CACNB4: variants seen among roughly 807,000 people sequenced by gnomAD.
CACNB4 encodes voltage-dependent L-type calcium channel subunit beta-4.
In CACNB4, 32 loss-of-function variants were observed where a neutral mutation model predicts 71.2. That is an observed-to-expected ratio of 0.45 (90% CI 0.34 to 0.60). CACNB4 has a LOEUF of 0.60. Among genes scored for constraint, CACNB4 ranks in the 20% least tolerant of loss-of-function variants. CACNB4 has a pLI of 0.01. For synonymous variants in CACNB4, 231 were observed against 236.9 expected, an observed-to-expected ratio of 0.97 and a Z score of 0.23; for missense variants, 464 against 647.9, an observed-to-expected ratio of 0.72 and a Z score of 3.08.
chr2:152,015,906 A>G (rs531828215), intron 2 of CACNB4, among the ~76,000 whole-genome samples: 1 of 152,352 alleles, frequency 6.6e-6, no homozygotes, highest in East Asian at 1.9e-4. Context: ...TGTCTTCAGG[A>G]TTACGAGATC....
intron 2 of CACNB4, among the ~76,000 whole-genome samples, chr2:151,926,242 G>A (rs1349627676): frequency 6.6e-6 from 1 of 152,160 alleles, no homozygotes; most frequent in Non-Finnish European, 1.5e-5. Flanking sequence ...TGCCAAAAAA[G>A]CCAGAGGAAA....
intron 2 of CACNB4, among the ~76,000 whole-genome samples, chr2:151,895,645 A>AT (rs972439718): frequency 6.6e-6 from 1 of 152,078 alleles, no homozygotes; most frequent in Non-Finnish European, 1.5e-5. Flanking sequence ...ACCTATATAT[A>AT]TTTGTACATA....
At chr2:151,882,319 G>A (rs1056593038) in intron 3 of CACNB4, among the ~76,000 whole-genome samples, 3 of 149,956 alleles carry the variant, frequency 2.0e-5, no homozygotes, top group Non-Finnish European at 4.4e-5. Context: ...TTCCCAAGTA[G>A]CTGGAATTAC....
intron 2 of CACNB4, among the ~76,000 whole-genome samples, chr2:151,933,809 A>AT (rs150768775): frequency 0.019 from 2,848 of 152,330 alleles, 32 homozygotes; most frequent in Middle Eastern, 0.031. Flanking sequence ...TATTGAAGCA[A>AT]TTTTTTAAAT....
intron 2 of CACNB4, among the ~76,000 whole-genome samples, chr2:151,902,497 A>G (rs556679685): frequency 1.3e-3 from 195 of 152,186 alleles, no homozygotes; most frequent in Non-Finnish European, 2.4e-3. Flanking sequence ...AACTAAATGA[A>G]AAAGGGCTCT....
At chr2:151,916,484 G>GA (rs5835387) in intron 2 of CACNB4, among the ~76,000 whole-genome samples, 1 of 151,964 alleles carries the variant, frequency 6.6e-6, no homozygotes, top group Non-Finnish European at 1.5e-5. Context: ...TTCCATTTAT[G>GA]AAAAAAAAAG....
intron 2 of CACNB4, among the ~76,000 whole-genome samples, chr2:152,048,958 G>C (rs949188876): frequency 6.6e-5 from 10 of 152,190 alleles, no homozygotes; most frequent in Non-Finnish European, 1.2e-4. Flanking sequence ...GTGCACAAGA[G>C]AGGGCATGAG....
At chr2:152,023,433 G>A (rs1485995835) in intron 2 of CACNB4, among the ~76,000 whole-genome samples, 1 of 10,222 alleles carries the variant, frequency 9.8e-5, no homozygotes, top group African/African-American at 2.1e-4. Flanking sequence ...AAAAGTGAGA[G>A]GTGCTTTTTT....
At chr2:151,878,310 C>T (rs1578597203) in intron 4 of CACNB4, among the ~76,000 whole-genome samples, 1 of 151,968 alleles carries the variant, frequency 6.6e-6, no homozygotes, top group African/African-American at 2.4e-5. Context: ...TTCTGAGTAA[C>T]AGCTTCACAC....
At chr2:151,971,558 T>C (rs1027102713) in intron 2 of CACNB4, 8 of 702,888 alleles carry the variant, frequency 1.1e-5, no homozygotes, top group Admixed American at 1.0e-4. Flanking sequence ...CATAAATGCA[T>C]TGGCACTGAG....
At chr2:151,886,521 C>T (rs1439514724) in intron 2 of CACNB4, among the ~76,000 whole-genome samples, 8 of 152,210 alleles carry the variant, frequency 5.3e-5, no homozygotes, top group African/African-American at 1.9e-4. Context: ...ATGTGAATGA[C>T]ACTGTAAGAA....
At chr2:151,901,693 T>C (rs1357560951) in intron 2 of CACNB4, among the ~76,000 whole-genome samples, 1 of 152,236 alleles carries the variant, frequency 6.6e-6, no homozygotes, top group Non-Finnish European at 1.5e-5. Flanking sequence ...CCAGAAGTTA[T>C]TTATAACCAA....
chr2:151,989,203 T>C (rs1031280215), intron 2 of CACNB4, among the ~76,000 whole-genome samples: 1 of 152,216 alleles, frequency 6.6e-6, no homozygotes, highest in Non-Finnish European at 1.5e-5. Flanking sequence ...TTTGAGCTGT[T>C]AGCCTTAACA....
At position 152,039,395 on chromosome 2, in the gene CACNB4, G is replaced by A. The variant is rs1484424599; in HGVS notation, c.147+58935C>T. 2.7e-5 allele frequency among the ~76,000 whole-genome samples: 4 copies of A among 145,802 alleles called. No individual in the cohort carries two copies. The Admixed American group carries it at 2.8e-4, about 10-fold the overall frequency. On this transcript the variant is annotated intron_variant, in intron 2 of 13. Coordinates refer to ENST00000539935, the MANE Select transcript of CACNB4 (RefSeq NM_000726.5). ...CTCGACACTGCACTCCAGCCTGGGC[G>A]ACAGAGCAAGACTCTGTCTCAAAAA... is the stretch of plus-strand genomic sequence containing the variant.
At chr2:151,861,856 A>C (rs1283685426) in intron 9 of CACNB4, 1 of 151,698 alleles carries the variant, frequency 6.6e-6, no homozygotes, top group Non-Finnish European at 1.5e-5. Flanking sequence ...AAAAAAAAAA[A>C]AACTGAAGAA....
chr2:152,006,527 A>G (rs896944541), intron 2 of CACNB4, among the ~76,000 whole-genome samples: 1 of 151,704 alleles, frequency 6.6e-6, no homozygotes, highest in African/African-American at 2.4e-5. Flanking sequence ...CAGCCTCCCA[A>G]GTAGCTGGGA....
At chr2:151,899,657 C>A (rs779484565) in intron 2 of CACNB4, among the ~76,000 whole-genome samples, 2 of 152,138 alleles carry the variant, frequency 1.3e-5, no homozygotes, top group South Asian at 2.1e-4. Flanking sequence ...GGTGAACTGT[C>A]GCTAGGTACT....
intron 2 of CACNB4, among the ~76,000 whole-genome samples, chr2:152,055,262 T>C (rs1057360029): frequency 1.3e-5 from 2 of 152,334 alleles, no homozygotes; most frequent in East Asian, 1.9e-4. Context: ...TCGGCCTGCC[T>C]TGGCCTCCCA....
At chr2:151,947,446 G>A (rs191238270) in intron 2 of CACNB4, among the ~76,000 whole-genome samples, 4 of 152,280 alleles carry the variant, frequency 2.6e-5, no homozygotes, top group African/African-American at 4.8e-5. Flanking sequence ...CTAGGCAGGG[G>A]GAGTGGGGGA....
Sources: gnomAD v4.1 joint callset for allele counts (sites outside exome capture counted in the v4.1 genomes callset) on GRCh38, gnomAD v4.1.1 for gene constraint, MANE v1.5 for transcripts, NCBI Gene and HGNC (gene_info 2026-07-23, HGNC 2026-07-21) for gene names.